Variants in ZNF676 observed in about 807,000 individuals in gnomAD.
ZNF676 encodes the protein zinc finger protein 676.
In ZNF676, 4 loss-of-function variants were observed where a neutral mutation model predicts 6.0. That is an observed-to-expected ratio of 0.67 (90% CI 0.33 to 1.53). The LOEUF (loss-of-function observed/expected upper bound fraction) is 1.53, where lower values mean the gene tolerates loss of function less well. Among genes scored for constraint, ZNF676 ranks in the 40% most tolerant of loss-of-function variants. The pLI is 0.06. For synonymous variants in ZNF676, 198 were observed against 223.1 expected, an observed-to-expected ratio of 0.89 and a Z score of 1.00; for missense variants, 644 against 679.7, an observed-to-expected ratio of 0.95 and a Z score of 0.58.
intron 1 of ZNF676, among the ~76,000 whole-genome samples, chr19:22,215,296 A>ACCTCTTCCCATTCAT (rs2024172671): frequency 6.6e-6 from 1 of 152,078 alleles, no homozygotes; most frequent in Non-Finnish European, 1.5e-5. Context: ...CACGGACCAA[A>ACCTCTTCCCATTCAT]GCTCTTCCCA....
intron 1 of ZNF676, among the ~76,000 whole-genome samples, chr19:22,206,478 G>A (rs753470862): frequency 6.6e-6 from 1 of 152,072 alleles, no homozygotes; most frequent in Non-Finnish European, 1.5e-5. Flanking sequence ...TTCAAGACCA[G>A]CCTGGCCAAC....
chr19:22,181,093 C>G lies in ZNF676; in HGVS notation c.624G>C (p.Lys208Asn), dbSNP rs1282744101. 3 of 1,599,126 alleles carry G rather than the reference C, an allele frequency of 1.9e-6. No homozygotes were observed. The highest frequency in any genetic ancestry group is 1.7e-6 in the Non-Finnish European group (2 of 1,172,016). The change falls in exon 3 of 3, where the codon AAG becomes AAC. Residue 208 changes from lysine (K) to asparagine (N), a missense_variant. This residue lies in a region of ZNF676 where 280 missense variants were observed against 269.3 expected (regional missense o/e 1.04). Transcript: ENST00000397121. ...KCEECGKAFS[K>N]FSILTKHKVI... The stretch of plus-strand genomic sequence containing the variant: ...CCTTATGTTTAGTAAGGATTGAGAA[C>G]TTACTAAAGGCTTTGCCACATTCTT...
At position 22,196,751 on chromosome 19, in the gene ZNF676, T is replaced by C; in HGVS notation, c.-118A>G. 1.9e-6 allele frequency: 3 copies of C among 1,575,314 alleles called. No individual in the cohort carries two copies. The highest frequency in any genetic ancestry group is 2.6e-6 in the Non-Finnish European group (3 of 1,147,682). ...CCTGGAAAACACACACAAACACATA[T>C]ATTTACCAATTGGTCATGGGCAGAA... On this transcript the variant is annotated 5_prime_UTR_variant, in exon 1 of 3. It adds an upstream start codon to the 5' untranslated region. Coordinates refer to ENST00000397121, the MANE Select transcript of ZNF676 (RefSeq NM_001001411.3).
At position 22,179,460 on chromosome 19, in the gene ZNF676, C is replaced by A. The variant is rs1292419258; in HGVS notation, c.*490G>T. 2 of 370,286 alleles carry A rather than the reference C, an allele frequency of 5.4e-6. No individual in the cohort carries two copies. Among genetic ancestry groups the A allele is most frequent in the Non-Finnish European group, 1.1e-5 (2 of 188,860 alleles). 22.9% of individuals were successfully genotyped at this position (370,286 alleles called of 1,614,324 possible). A position where few individuals can be genotyped will look rare whatever the true frequency, so the allele number is the denominator to read the frequency against. On this transcript the variant is annotated 3_prime_UTR_variant, in exon 3 of 3. Transcript: ENST00000397121. Reference sequence around the variant, plus strand: ...TCCACACAATTATAGGAATTCCCTCCAGTATGAATTACATGAATGTTTAGT... The same window carrying A: ...TCCACACAATTATAGGAATTCCCTCAAGTATGAATTACATGAATGTTTAGT...
At chr19:22,232,218 A>C in the ZNF676 span, among the ~76,000 whole-genome samples, 1 of 151,338 alleles carries the variant, frequency 6.6e-6, no homozygotes. Flanking sequence ...TCCAGGCTGG[A>C]GTGCAGTGGT....
chr19:22,215,949 G>A (rs776585331), upstream of ZNF676, among the ~76,000 whole-genome samples: 3 of 152,210 alleles, frequency 2.0e-5, no homozygotes, highest in Admixed American at 1.3e-4. Context: ...GTAGGCTGCA[G>A]CCTTTTCAGG....
intron 1 of ZNF676, 70 bp from the exon 2 acceptor site, chr19:22,193,181 A>C: frequency 7.0e-7 from 1 of 1,423,904 alleles, no homozygotes; most frequent in Non-Finnish European, 9.3e-7. Context: ...TAATGTGCTC[A>C]GTAAAGAGGA....
chr19:22,207,725 C>A (rs2024089715), intron 1 of ZNF676, among the ~76,000 whole-genome samples: 1 of 152,120 alleles, frequency 6.6e-6, no homozygotes, highest in African/African-American at 2.4e-5. Flanking sequence ...AACAAAGCAA[C>A]ATGGTACTGG....
intron 1 of ZNF676, among the ~76,000 whole-genome samples, chr19:22,193,652 T>C (rs754929144): frequency 6.6e-6 from 1 of 151,998 alleles, no homozygotes; most frequent in Non-Finnish European, 1.5e-5. Flanking sequence ...GAGAGGAGAA[T>C]TGGCCTCTGC....
chr19:22,246,017 G>A, the ZNF676 span, among the ~76,000 whole-genome samples: 1 of 152,124 alleles, frequency 6.6e-6, no homozygotes, highest in South Asian at 2.1e-4. Context: ...GTTTGTCTCA[G>A]CCATACGTCA....
At chr19:22,231,747 C>T in the ZNF676 span, among the ~76,000 whole-genome samples, 1 of 151,198 alleles carries the variant, frequency 6.6e-6, no homozygotes, top group Non-Finnish European at 1.5e-5. Context: ...GGACTACAGG[C>T]GCGTGCCACC....
upstream of ZNF676, among the ~76,000 whole-genome samples, chr19:22,220,088 G>A (rs2024232392): frequency 6.6e-6 from 1 of 151,940 alleles, no homozygotes; most frequent in African/African-American, 2.4e-5. Context: ...TATAATTTTT[G>A]GTTTTAATTC....
At chr19:22,247,257 A>G in the ZNF676 span, among the ~76,000 whole-genome samples, 4 of 152,102 alleles carry the variant, frequency 2.6e-5, no homozygotes, top group Non-Finnish European at 5.9e-5. Context: ...TGAAGGTTCA[A>G]GTCCTTTCTA....
the ZNF676 span, among the ~76,000 whole-genome samples, chr19:22,226,098 G>A: frequency 6.6e-6 from 1 of 151,578 alleles, no homozygotes; most frequent in Middle Eastern, 3.4e-3. Context: ...AAATTTTTTT[G>A]TCTATGGTTC....
chr19:22,255,243 T>C, the ZNF676 span, among the ~76,000 whole-genome samples: 7 of 150,566 alleles, frequency 4.6e-5, no homozygotes, highest in Non-Finnish European at 1.0e-4. Context: ...CAACTGCCTT[T>C]GGGTGTGAGG....
At chr19:22,182,657 C>T (rs2023776782) in intron 2 of ZNF676, among the ~76,000 whole-genome samples, 1 of 98,432 alleles carries the variant, frequency 1.0e-5, no homozygotes, top group Non-Finnish European at 2.0e-5. Flanking sequence ...GCAAATCTGT[C>T]CTGCCTAAAA....
At chr19:22,196,415 G>A (rs575351458) in intron 1 of ZNF676, among the ~76,000 whole-genome samples, 185 bp downstream of exon 1, 34 of 152,132 alleles carry the variant, frequency 2.2e-4, no homozygotes, top group African/African-American at 8.0e-4. Flanking sequence ...TAAATACAAA[G>A]GGCTATAGAA....
chr19:22,190,061 C>G (rs1332194945), intron 2 of ZNF676, among the ~76,000 whole-genome samples: 1 of 152,092 alleles, frequency 6.6e-6, no homozygotes, highest in Non-Finnish European at 1.5e-5. Flanking sequence ...ACTATAAAGA[C>G]ACATGCACAT....
chr19:22,205,994 A>G (rs1002088649), intron 1 of ZNF676, among the ~76,000 whole-genome samples: 20 of 151,832 alleles, frequency 1.3e-4, no homozygotes, highest in African/African-American at 4.6e-4. Context: ...GAAGTCTGCT[A>G]TGCACATAAA....
Sources: allele counts gnomAD v4.1 joint callset (sites outside exome capture counted in the v4.1 genomes callset), GRCh38; gene constraint gnomAD v4.1.1; regional missense constraint gnomAD v4.1.1; transcripts MANE v1.5; gene names NCBI Gene and HGNC (gene_info 2026-07-23, HGNC 2026-07-21).